Variants in LINGO2 observed in about 807,000 individuals in gnomAD.
The protein encoded by LINGO2 is leucine rich repeat and Ig domain containing 2.
LINGO2 carries 14 observed loss-of-function variants against 30.6 expected under a neutral mutation model. That is an observed-to-expected ratio of 0.46 (90% CI 0.30 to 0.72). The LOEUF (loss-of-function observed/expected upper bound fraction) is 0.72. Ranked by LOEUF, LINGO2 falls within the 30% of genes least tolerant of loss-of-function variation. LINGO2 has a pLI of 0.07. For missense variants in LINGO2, 729 were observed against 751.7 expected (o/e 0.97, Z 0.35); for synonymous variants, 317 against 288.5 (o/e 1.10, Z -1.00).
the LINGO2 span, among the ~76,000 whole-genome samples, chr9:29,196,065 T>C: frequency 5.1e-4 from 78 of 152,278 alleles, no homozygotes; most frequent in African/African-American, 1.8e-3. Flanking sequence ...TTTGATACTT[T>C]ACAGGTTTTG....
At chr9:28,380,940 A>G (rs186477996) in intron 2 of LINGO2, among the ~76,000 whole-genome samples, 2 of 152,208 alleles carry the variant, frequency 1.3e-5, no homozygotes, top group East Asian at 3.9e-4. Flanking sequence ...GAGGCTGGGT[A>G]TAACTACGGG....
chr9:28,067,170 C>T (rs1231139411), intron 4 of LINGO2, among the ~76,000 whole-genome samples: 1 of 152,060 alleles, frequency 6.6e-6, no homozygotes, highest in Non-Finnish European at 1.5e-5. Flanking sequence ...TTCACAGTAA[C>T]AGCCCTTTTA....
the LINGO2 span, among the ~76,000 whole-genome samples, chr9:28,955,918 C>T: frequency 1.4e-4 from 22 of 152,156 alleles, no homozygotes; most frequent in East Asian, 2.1e-3. Context: ...CAGGCATGAA[C>T]GACCATGCCC....
chr9:28,085,129 G>C (rs767906879), intron 4 of LINGO2, among the ~76,000 whole-genome samples: 2 of 152,082 alleles, frequency 1.3e-5, no homozygotes, highest in Non-Finnish European at 2.9e-5. Context: ...ACAGAGTCTA[G>C]CTGATCCTGA....
intron 1 of LINGO2, among the ~76,000 whole-genome samples, chr9:28,588,410 ATG>A (rs1824679409): frequency 1.3e-5 from 2 of 151,944 alleles, no homozygotes; most frequent in East Asian, 3.9e-4. Context: ...TAGGATAACA[ATG>A]GTGTAAAATA....
At chr9:29,082,649 A>G in the LINGO2 span, among the ~76,000 whole-genome samples, 1 of 152,320 alleles carries the variant, frequency 6.6e-6, no homozygotes, top group African/African-American at 2.4e-5. Flanking sequence ...CAGGCAACCT[A>G]CAGAATGGGA....
intron 5 of LINGO2, among the ~76,000 whole-genome samples, chr9:27,996,750 A>T (rs746459345): frequency 2.0e-5 from 3 of 152,242 alleles, no homozygotes; most frequent in Non-Finnish European, 4.4e-5. Flanking sequence ...AATAGCTAGA[A>T]GATTTGCAAC....
chr9:29,047,218 C>G, the LINGO2 span, among the ~76,000 whole-genome samples: 1 of 151,802 alleles, frequency 6.6e-6, no homozygotes, highest in Non-Finnish European at 1.5e-5. Flanking sequence ...AAGAGAAAAA[C>G]AACCCCATTA....
intron 4 of LINGO2, among the ~76,000 whole-genome samples, chr9:28,037,036 T>C (rs935671486): frequency 2.6e-5 from 4 of 152,238 alleles, no homozygotes; most frequent in African/African-American, 9.6e-5. Flanking sequence ...TATCTGTGTA[T>C]TATTCATCCA....
chr9:28,300,185 A>G (rs1824086684), intron 3 of LINGO2, among the ~76,000 whole-genome samples: 1 of 152,018 alleles, frequency 6.6e-6, no homozygotes, highest in Non-Finnish European at 1.5e-5. Context: ...ACTATGACAA[A>G]ACCCCTGATT....
chr9:28,400,735 A>G (rs1822229128), intron 2 of LINGO2, among the ~76,000 whole-genome samples: 1 of 152,212 alleles, frequency 6.6e-6, no homozygotes, highest in Non-Finnish European at 1.5e-5. Context: ...GCTTTCTCAA[A>G]CTTAAAGCTT....
the LINGO2 span, among the ~76,000 whole-genome samples, chr9:28,770,725 G>A: frequency 6.6e-6 from 1 of 152,054 alleles, no homozygotes; most frequent in Non-Finnish European, 1.5e-5. Flanking sequence ...AAAACACACA[G>A]GTTAATATAT....
At chr9:28,809,852 G>A in the LINGO2 span, among the ~76,000 whole-genome samples, 1 of 151,792 alleles carries the variant, frequency 6.6e-6, no homozygotes, top group African/African-American at 2.4e-5. Flanking sequence ...TCACACTCCG[G>A]CTATTTTGGT....
chr9:27,949,876 A>G, exon 6 of LINGO2: 3 of 1,614,058 alleles, frequency 1.9e-6, no homozygotes, highest in Non-Finnish European at 2.5e-6. Context: ...AAGGCAAGGA[A>G]GGGTACAGTA....
chr9:28,749,614 C>G, the LINGO2 span, among the ~76,000 whole-genome samples: 1 of 151,944 alleles, frequency 6.6e-6, no homozygotes, highest in African/African-American at 2.4e-5. Flanking sequence ...AAAATTATCT[C>G]ATAATAGTAT....
the LINGO2 span, among the ~76,000 whole-genome samples, chr9:28,719,329 A>C: frequency 1.3e-5 from 2 of 151,952 alleles, no homozygotes; most frequent in Non-Finnish European, 2.9e-5. Flanking sequence ...GAAGGAACTA[A>C]TTGTTTTATC....
chr9:29,024,290 CA>C, the LINGO2 span, among the ~76,000 whole-genome samples: 1 of 151,962 alleles, frequency 6.6e-6, no homozygotes, highest in Admixed American at 6.6e-5. Context: ...GGAATATTAA[CA>C]AAATGTAATG....
the LINGO2 span, among the ~76,000 whole-genome samples, chr9:28,684,015 T>C: frequency 6.6e-6 from 1 of 152,042 alleles, no homozygotes; most frequent in African/African-American, 2.4e-5. Context: ...ACTTTTTTTG[T>C]GAAATTCAAA....
In LINGO2 at chr9:28,606,955, A is replaced by C. The variant is rs957999962; in HGVS notation, c.-365+63245T>G. Among the ~76,000 whole-genome samples, 3 of 152,094 alleles carry C rather than the reference A, an allele frequency of 2.0e-5. No individual in the cohort carries two copies. The South Asian group carries it at 6.2e-4, about 31-fold the overall frequency. ...TTTCATATAAACATATTTACATTTC[A>C]TTTATTAGGAGCCCCTTATTTGTTC... is the stretch of plus-strand genomic sequence containing the variant. On this transcript the variant is annotated intron_variant, in intron 1 of 5. Transcript: ENST00000379992.
Sources: allele counts gnomAD v4.1 joint callset (sites outside exome capture counted in the v4.1 genomes callset), GRCh38; gene constraint gnomAD v4.1.1; transcripts MANE v1.5; gene names NCBI Gene and HGNC (gene_info 2026-07-23, HGNC 2026-07-21).